The following SLCO1A2 variants were observed in gnomAD, a reference collection of about 807,000 sequenced individuals.
SLCO1A2 encodes OATP-1.
In SLCO1A2, 67 loss-of-function variants were observed where a neutral mutation model predicts 69.0. That is an observed-to-expected ratio of 0.97 (90% CI 0.80 to 1.19). The LOEUF (loss-of-function observed/expected upper bound fraction) is 1.19. Ranked by LOEUF, SLCO1A2 falls within the 50% of genes most tolerant of loss-of-function variation. The probability of loss-of-function intolerance (pLI) is 0.00; values close to 1 mark genes in which losing one functional copy is unlikely to be tolerated. For missense variants in SLCO1A2, 787 were observed against 793.7 expected, an observed-to-expected ratio of 0.99 and a Z score of 0.10; for synonymous variants, 260 against 265.9, an observed-to-expected ratio of 0.98 and a Z score of 0.22.
chr12:21,293,934 G>A lies in SLCO1A2; in HGVS notation c.1437+11C>T. ...CAACTCAAAAAAGTTCTGTCAAATA[G>A]GATGTCTTACCATGTTTATTCCCGT... On this transcript the variant is annotated intron_variant, in intron 11 of 14. Transcript: ENST00000683939. The A allele has an allele frequency of 1.9e-6, 3 of 1,596,250 alleles. No homozygotes were observed. The highest frequency in any genetic ancestry group is 2.6e-6 in the Non-Finnish European group (3 of 1,173,110).
At chr12:21,373,031 GTTTT>G (rs1172019741) in intron 2 of SLCO1A2, 3 of 293,248 alleles carry the variant, frequency 1.0e-5, no homozygotes, top group Non-Finnish European at 6.3e-6. Flanking sequence ...TTCTGGGAAA[GTTTT>G]ATTTATTTAG....
intron 2 of SLCO1A2, chr12:21,324,509 T>C (rs796896274): frequency 6.2e-4 from 94 of 152,294 alleles, no homozygotes; most frequent in African/African-American, 2.1e-3. Context: ...AAATAATCAG[T>C]GTCTCCAATT....
At chr12:21,392,593 A>G (rs1007907362) in intron 1 of SLCO1A2, among the ~76,000 whole-genome samples, 1 of 152,172 alleles carries the variant, frequency 6.6e-6, no homozygotes, top group Non-Finnish European at 1.5e-5. Flanking sequence ...CTCTCTCTAC[A>G]GAAACGACTT....
At chr12:21,354,917 T>C (rs1015418532) in intron 2 of SLCO1A2, 9 of 152,172 alleles carry the variant, frequency 5.9e-5, no homozygotes, top group Non-Finnish European at 1.2e-4. Context: ...TAATTTACTG[T>C]TGTTGCACAT....
intron 9 of SLCO1A2, 37 bp downstream of exon 9, chr12:21,297,367 G>A (rs200786761): frequency 2.6e-6 from 4 of 1,560,090 alleles, no homozygotes; most frequent in East Asian, 4.6e-5. Context: ...TCGTGGGGGG[G>A]AAAGTGTGCT....
chr12:21,406,676 G>A (rs1015066949), intron 1 of SLCO1A2, among the ~76,000 whole-genome samples: 1 of 152,170 alleles, frequency 6.6e-6, no homozygotes, highest in South Asian at 2.1e-4. Context: ...TAGGACACAG[G>A]TACAGATAGG....
intron 2 of SLCO1A2, among the ~76,000 whole-genome samples, chr12:21,363,827 C>A (rs1404004448): frequency 6.6e-6 from 1 of 152,156 alleles, no homozygotes; most frequent in Non-Finnish European, 1.5e-5. Flanking sequence ...GACTTATACA[C>A]CCTCCTAAGA....
upstream of SLCO1A2, among the ~76,000 whole-genome samples, chr12:21,418,209 A>G (rs1942018837): frequency 6.6e-6 from 1 of 152,210 alleles, no homozygotes; most frequent in South Asian, 2.1e-4. Context: ...CCTGGATATC[A>G]ATAGAAGCAG....
intron 1 of SLCO1A2, among the ~76,000 whole-genome samples, chr12:21,405,219 CTTTAG>C (rs1333089277): frequency 1.3e-5 from 2 of 151,880 alleles, no homozygotes; most frequent in South Asian, 2.1e-4. Flanking sequence ...TGCAGAAGCT[CTTTAG>C]TTTAATTAGA....
intron 2 of SLCO1A2, among the ~76,000 whole-genome samples, chr12:21,350,909 A>G: frequency 6.7e-6 from 1 of 148,386 alleles, no homozygotes; most frequent in Non-Finnish European, 1.5e-5. Flanking sequence ...TTTTATTTTA[A>G]TAGTTTTCTT....
intron 12 of SLCO1A2, among the ~76,000 whole-genome samples, chr12:21,287,220 C>G (rs1236401661): frequency 1.4e-5 from 2 of 147,854 alleles, no homozygotes; most frequent in Non-Finnish European, 1.5e-5. Context: ...AGACACTTCT[C>G]AAAAGAAGAC....
Position 21,266,635 on chromosome 12 carries a change from G to C in SLCO1A2, c.*2913C>G, listed in dbSNP as rs1463717594. The C allele has an allele frequency of 2.0e-5, 3 of 152,018 alleles. No individual in the cohort carries two copies. Among genetic ancestry groups the C allele is most frequent in the African/African-American group, 7.2e-5 (3 of 41,394 alleles). The allele number at this position is 152,018 out of a possible 1,614,324, so 9.4% of individuals were successfully genotyped here. A position where few individuals can be genotyped will look rare whatever the true frequency, so the allele number is the denominator to read the frequency against. ...GATCGCCCTTCTGGGAGGAGGAAAA[G>C]TTCCTTATGGAGAGCTCAACCCCAG... On this transcript the variant is annotated 3_prime_UTR_variant, in exon 15 of 15. Transcript: ENST00000683939.
chr12:21,319,070 G>T, intron 2 of SLCO1A2, 147 bp from the exon 3 acceptor site: 1 of 709,734 alleles, frequency 1.4e-6, no homozygotes, highest in Non-Finnish European at 2.3e-6. Context: ...AGTGTAGTCT[G>T]CTCCTTTTGT....
At position 21,299,770 on chromosome 12, in the gene SLCO1A2, G is replaced by GTGTATA. The variant is rs781710145; in HGVS notation, c.910+577_910+578insTATACA. Reference sequence around the variant, plus strand: ...CAAATGGGACCATATATATACGTGTGTATATATATATATATATATACACAC... The same window carrying GTGTATA: ...CAAATGGGACCATATATATACGTGTGTGTATATATATATATATATATATATACACAC... On this transcript the variant is annotated intron_variant, in intron 8 of 14. Transcript: ENST00000683939. 2.8e-3 allele frequency among the ~76,000 whole-genome samples: 360 copies of GTGTATA among 129,704 alleles called. 8 individuals carry two copies. The highest frequency in any genetic ancestry group is 9.7e-3 in the African/African-American group (340 of 35,204). The allele number at this position is 129,704 out of a possible 152,430, so 85.1% of individuals were successfully genotyped here.
At chr12:21,345,930 A>C (rs963604066) in intron 2 of SLCO1A2, among the ~76,000 whole-genome samples, 17 of 152,034 alleles carry the variant, frequency 1.1e-4, no homozygotes, top group Non-Finnish European at 1.8e-4. Flanking sequence ...AAATATATAG[A>C]ATATATAACA....
At chr12:21,387,484 G>C (rs561618178) in intron 1 of SLCO1A2, among the ~76,000 whole-genome samples, 1 of 152,212 alleles carries the variant, frequency 6.6e-6, no homozygotes, top group Admixed American at 6.5e-5. Context: ...AGGGGCCAAG[G>C]TACAGCTCAA....
intron 2 of SLCO1A2, among the ~76,000 whole-genome samples, chr12:21,369,000 C>G (rs1441571726): frequency 6.6e-6 from 1 of 151,842 alleles, no homozygotes; most frequent in Non-Finnish European, 1.5e-5. Flanking sequence ...GTAGAAACAC[C>G]TAAAATAGTT....
upstream of SLCO1A2, among the ~76,000 whole-genome samples, chr12:21,398,619 A>T (rs1486457385): frequency 2.0e-5 from 3 of 152,068 alleles, no homozygotes; most frequent in Admixed American, 1.3e-4. Context: ...TGATGCAAAA[A>T]TCCTCAATAA....
intron 12 of SLCO1A2, among the ~76,000 whole-genome samples, chr12:21,288,392 G>A (rs887256328): frequency 6.6e-6 from 1 of 152,116 alleles, no homozygotes; most frequent in Admixed American, 6.6e-5. Context: ...AGTGAGCCAA[G>A]ATTGTGCCAC....
Sources: gnomAD v4.1 joint callset for allele counts (sites outside exome capture counted in the v4.1 genomes callset) on GRCh38, gnomAD v4.1.1 for gene constraint, MANE v1.5 for transcripts, NCBI Gene and HGNC (gene_info 2026-07-23, HGNC 2026-07-21) for gene names.